Variants in ALDH3A1 observed in about 807,000 individuals in gnomAD.
ALDH3A1 encodes aldehyde dehydrogenase, dimeric NADP-preferring.
Under a neutral mutation model 49.9 loss-of-function variants are expected in ALDH3A1, and 46 were observed. The ratio of observed to expected loss-of-function variants is 0.92; its 90% confidence interval spans 0.73 to 1.18. The LOEUF is 1.18. Among genes scored for constraint, ALDH3A1 ranks in the 50% most tolerant of loss-of-function variants. The pLI, the probability that ALDH3A1 is intolerant of heterozygous loss-of-function variation, is 0.00. For missense variants in ALDH3A1, 592 were observed against 611.8 expected, an observed-to-expected ratio of 0.97 and a Z score of 0.34; for synonymous variants, 269 against 253.3, an observed-to-expected ratio of 1.06 and a Z score of -0.59.
chr17:19,738,135 A>T lies in ALDH3A1; in HGVS notation c.*86T>A, dbSNP rs111501205. The T allele has an allele frequency of 1.4e-5, 23 of 1,608,562 alleles. No individual in the cohort carries two copies. The African/African-American group carries it at 1.9e-4, about 13-fold the overall frequency. On this transcript the variant is annotated 3_prime_UTR_variant, in exon 11 of 11. Coordinates refer to ENST00000225740, the MANE Select transcript of ALDH3A1 (RefSeq NM_000691.5). ...GGGCTGGGCTGGGGCTGCAGGAGCG[A>T]TTCTCCCAGGGCCAGGAGAGCCAGT...
At chr17:19,740,868 G>C (rs2086478962) in intron 6 of ALDH3A1, among the ~76,000 whole-genome samples, 1 of 152,150 alleles carries the variant, frequency 6.6e-6, no homozygotes, top group African/African-American at 2.4e-5. Context: ...ATCTTGCTAT[G>C]TTACCCAGGC....
intron 1 of ALDH3A1, among the ~76,000 whole-genome samples, chr17:19,747,045 C>A (rs945712955): frequency 1.3e-5 from 2 of 152,144 alleles, no homozygotes; most frequent in African/African-American, 4.8e-5. Context: ...TTCCTTACTC[C>A]CCTTCCTGAG....
chr17:19,740,304 C>T, intron 7 of ALDH3A1, 32 bp downstream of exon 7: 2 of 1,606,628 alleles, frequency 1.2e-6, no homozygotes, highest in Non-Finnish European at 1.7e-6. Context: ...GCAGCCTGGG[C>T]AGGTGGGCTG....
chr17:19,739,498 C>G lies in ALDH3A1; in HGVS notation c.1116+10G>C. On this transcript the variant is annotated intron_variant, in intron 8 of 10. Coordinates refer to ENST00000225740, the MANE Select transcript of ALDH3A1 (RefSeq NM_000691.5). Reference sequence around the variant, plus strand: ...ACCCTGGCAGAGGGCACCCCAGGCCCACCACCCACCTTGTCGTTGCTGGAG... The same window carrying G: ...ACCCTGGCAGAGGGCACCCCAGGCCGACCACCCACCTTGTCGTTGCTGGAG... 1 of 1,604,386 alleles carries G rather than the reference C, an allele frequency of 6.2e-7. No individual in the cohort carries two copies. The highest frequency in any genetic ancestry group is 2.2e-5 in the East Asian group (1 of 44,668).
Position 19,743,926 on chromosome 17 carries a change from G to C in ALDH3A1, c.163-463C>G. ...GGGGGATGCAGGACCAAGGGCTGCTGGGCGCTCAGGGCCTCCTGTGGGGAG... is the reference window on the plus strand; with the variant it reads ...GGGGGATGCAGGACCAAGGGCTGCTCGGCGCTCAGGGCCTCCTGTGGGGAG... On this transcript the variant is annotated intron_variant, in intron 2 of 10. Transcript: ENST00000225740. The surrounding 1 kb of genome is among the most constrained non-coding windows in gnomAD (Gnocchi z 4.4). The C allele has an allele frequency of 1.0e-6, 1 of 985,296 alleles. No homozygotes were observed. The highest frequency in any genetic ancestry group is 1.7e-5 in the African/African-American group (1 of 57,320). The allele number at this position is 985,296 out of a possible 1,614,324, so 61.0% of individuals were successfully genotyped here.
chr17:19,738,385 G>A lies in ALDH3A1; in HGVS notation c.1285C>T (p.Leu429=). The change falls in exon 10 of 11, where the codon CTG becomes TTG. Residue 429 remains leucine, a synonymous_variant. Coordinates refer to ENST00000225740, the MANE Select transcript of ALDH3A1 (RefSeq NM_000691.5). ...FETFSHRRSC[L]VRPLMNDEGL... Reference sequence around the variant, plus strand: ...TCATCATTCATCAGAGGCCTCACCAGGCAAGAGCGGCGGTGAGAGAAAGTC... The same window carrying A: ...TCATCATTCATCAGAGGCCTCACCAAGCAAGAGCGGCGGTGAGAGAAAGTC... 1 of 1,613,938 alleles carries A rather than the reference G, an allele frequency of 6.2e-7. No homozygotes were observed. The highest frequency in any genetic ancestry group is 8.5e-7 in the Non-Finnish European group (1 of 1,179,874).
intron 2 of ALDH3A1, 63 bp downstream of exon 2, chr17:19,744,905 C>CCCA: frequency 4.6e-6 from 3 of 651,156 alleles, no homozygotes; most frequent in Non-Finnish European, 4.2e-6. Context: ...TCCCCAGCCC[C>CCCA]TCCCCCCACG....
intron 2 of ALDH3A1, 67 bp downstream of exon 2, chr17:19,744,901 G>GGCCCCCCCCCC: frequency 4.8e-5 from 21 of 434,626 alleles, no homozygotes; most frequent in Middle Eastern, 8.8e-4. Context: ...ACTCTCCCCA[G>GGCCCCCCCCCC]CCCCTCCCCC....
In ALDH3A1 at chr17:19,740,344, C is replaced by T. The variant is rs2086467144; in HGVS notation, c.941G>A (p.Arg314His). The change falls in exon 7 of 11, where the codon CGC (arginine) becomes CAC (histidine). Residue 314 changes from arginine (R) to histidine (H), a missense_variant. Coordinates refer to ENST00000225740, the MANE Select transcript of ALDH3A1 (RefSeq NM_000691.5). ...AYGGTGDAAT[R>H]YIAPTILTDV... Reference sequence around the variant, plus strand: ...CTTCAGGGGTCACGCACCTATGTAGCGAGTGGCGGCATCCCCGGTGCCCCC... The same window carrying T: ...CTTCAGGGGTCACGCACCTATGTAGTGAGTGGCGGCATCCCCGGTGCCCCC... The T allele has an allele frequency of 1.5e-5, 24 of 1,613,892 alleles. No individual in the cohort carries two copies. Among genetic ancestry groups the T allele is most frequent in the Non-Finnish European group, 1.8e-5 (21 of 1,179,978 alleles).
At position 19,739,518 on chromosome 17, in the gene ALDH3A1, C is replaced by A. The variant is rs1454514558; in HGVS notation, c.1106G>T (p.Ser369Ile). Residue 369 changes from serine to isoleucine, a missense_variant, in exon 8 of 11, where the codon AGC (serine) becomes ATC (isoleucine). Coordinates refer to ENST00000225740, the MANE Select transcript of ALDH3A1 (RefSeq NM_000691.5). Reference sequence around the variant, plus strand: ...AGGCCCACCACCCACCTTGTCGTTGCTGGAGAACATGTAGAGGGCCAGGGG... The same window carrying A: ...AGGCCCACCACCCACCTTGTCGTTGATGGAGAACATGTAGAGGGCCAGGGG... Reference protein sequence around the residue: ...EKPLALYMFSSNDKVIKKMIA... With the variant: ...EKPLALYMFSINDKVIKKMIA... 1.9e-6 allele frequency: 3 copies of A among 1,610,386 alleles called. No individual in the cohort carries two copies. The highest frequency in any genetic ancestry group is 1.3e-5 in the African/African-American group (1 of 74,898).
In ALDH3A1 at chr17:19,739,721, G is replaced by A. The variant is rs200200301; in HGVS notation, c.950-47C>T. ...AGTTGGACGGCGCAGAGACCCCCAC[G>A]CGGATGGAAAGTGCAAGCACCTAGA... On this transcript the variant is annotated intron_variant, in intron 7 of 10. Transcript: ENST00000225740. 2.0e-5 allele frequency: 32 copies of A among 1,598,802 alleles called. No homozygotes were observed. The East Asian group carries it at 3.4e-4, about 17-fold the overall frequency.
rs1345912132 is a variant in ALDH3A1 at position 19,742,015 on chromosome 17, G to GT, written c.677dup (p.Asp226GlufsTer23). ...CCCGTGCCTCTCACCGGCAGGCCAC[G>GT]TCCAGGTCACAGTTCTTGTCCACGT... On this transcript the variant is annotated frameshift_variant, in exon 5 of 11. Transcript: ENST00000225740. LOFTEE classifies it high-confidence loss of function. The GT allele has an allele frequency of 6.2e-7, 1 of 1,613,790 alleles. No homozygotes were observed. The highest frequency in any genetic ancestry group is 2.2e-5 in the East Asian group (1 of 44,858).
chr17:19,740,411 G>A lies in ALDH3A1; in HGVS notation c.874C>T (p.Gln292Ter), dbSNP rs1440587769. The change falls in exon 7 of 11, where the codon CAG becomes TAG. Residue 292 changes from glutamine (Q) to a stop codon, truncating the protein, a stop_gained. Coordinates refer to ENST00000225740, the MANE Select transcript of ALDH3A1 (RefSeq NM_000691.5). LOFTEE classifies it high-confidence loss of function. ...YGRIISARHF[Q>*]RVMGLIEGQK... is the part of the protein sequence containing the mutation. ...CCCTCAATCAGGCCCATCACCCTCT[G>A]GAAGTGCCGGGCACTAATGATTCTT... 6.2e-7 allele frequency: 1 copy of A among 1,614,116 alleles called. No homozygotes were observed. Among genetic ancestry groups the A allele is most frequent in the Non-Finnish European group, 8.5e-7 (1 of 1,180,026 alleles).
chr17:19,739,681 C>T lies in ALDH3A1; in HGVS notation c.950-7G>A, dbSNP rs765106070. On this transcript the variant is annotated splice_region_variant and splice_polypyrimidine_tract_variant and intron_variant, in intron 7 of 10. Coordinates refer to ENST00000225740, the MANE Select transcript of ALDH3A1 (RefSeq NM_000691.5). ...TCCGTGAGGATGGTGGGGGCTGAGG[C>T]AGGAAACAAGCCAGAGTTGGACGGC... The T allele has an allele frequency of 1.2e-6, 2 of 1,613,270 alleles. No homozygotes were observed.
chr17:19,744,905 C>CCG lies in ALDH3A1; in HGVS notation c.162+62_162+63insCG, dbSNP rs1567655770. 2.8e-5 allele frequency: 18 copies of CCG among 651,204 alleles called. 2 individuals are homozygous for CCG. The South Asian group carries it at 4.4e-4, about 16-fold the overall frequency. The allele number at this position is 651,204 out of a possible 1,614,324, so 40.3% of individuals were successfully genotyped here. The stretch of plus-strand genomic sequence containing the variant: ...CTCTGGGTCGCACTCTCCCCAGCCC[C>CCG]TCCCCCCACGCCCCATCGCATGGCC... On this transcript the variant is annotated intron_variant, in intron 2 of 10. Coordinates refer to ENST00000225740, the MANE Select transcript of ALDH3A1 (RefSeq NM_000691.5).
At chr17:19,745,349 C>G in intron 1 of ALDH3A1, 1 of 514,684 alleles carries the variant, frequency 1.9e-6, no homozygotes, top group Non-Finnish European at 3.3e-6. Flanking sequence ...AAGGTGACAC[C>G]CGCCGCAACC....
intron 1 of ALDH3A1, among the ~76,000 whole-genome samples, chr17:19,745,963 G>T (rs2086589964): frequency 6.6e-6 from 1 of 152,224 alleles, no homozygotes; most frequent in Non-Finnish European, 1.5e-5. Context: ...CAGTTTAAAT[G>T]ACTCCTGTCA....
intron 5 of ALDH3A1, 127 bp from the exon 6 acceptor site, chr17:19,741,337 C>A: frequency 1.3e-6 from 1 of 749,110 alleles, no homozygotes; most frequent in Non-Finnish European, 2.3e-6. Context: ...TGAGTCCTCC[C>A]AAGCGGTCTG....
chr17:19,746,669 G>A (rs962919690), intron 1 of ALDH3A1, among the ~76,000 whole-genome samples: 56 of 147,024 alleles, frequency 3.8e-4, no homozygotes, highest in African/African-American at 1.2e-3. Flanking sequence ...GTGTGTGTGC[G>A]TGTGTGTGCA....
Sources: allele counts gnomAD v4.1 joint callset (sites outside exome capture counted in the v4.1 genomes callset), GRCh38; gene constraint gnomAD v4.1.1; non-coding constraint Gnocchi (gnomAD v3.1); transcripts MANE v1.5; gene names NCBI Gene and HGNC (gene_info 2026-07-23, HGNC 2026-07-21).